The following PON3 variants were observed in gnomAD, a reference collection of about 807,000 sequenced individuals.
PON3 encodes paraoxonase 3, also known as serum paraoxonase/lactonase 3.
PON3 carries 37 observed loss-of-function variants against 36.3 expected under a neutral mutation model. That is an observed-to-expected ratio of 1.02 (90% CI 0.78 to 1.34). The LOEUF (loss-of-function observed/expected upper bound fraction) is 1.34. Among genes scored for constraint, PON3 ranks in the 40% most tolerant of loss-of-function variants. The pLI is 0.00. For missense variants in PON3, 415 were observed against 426.5 expected, an observed-to-expected ratio of 0.97 and a Z score of 0.24; for synonymous variants, 155 against 154.8, an observed-to-expected ratio of 1.00 and a Z score of -0.01.
rs1180113639 is a variant in PON3, at chr7:95,362,760, C to T, written c.777G>A (p.Lys259=). 6.2e-7 allele frequency: 1 copy of T among 1,604,240 alleles called. No homozygotes were observed. Among genetic ancestry groups the T allele is most frequent in the South Asian group, 1.1e-5 (1 of 90,892 alleles). The change falls in exon 7 of 9, where the codon AAG becomes AAA. Residue 259 remains lysine (K), a splice_region_variant and synonymous_variant. Coordinates refer to ENST00000265627, the MANE Select transcript of PON3 (RefSeq NM_000940.3). ...TGTGGGCCAGACAGGGTACTCTTAC[C>T]TTCAGTTGAGTTAAATCCCAGTTAT... ...KHDNWDLTQL[K]VIQLGTLVDN...
intron 4 of PON3, among the ~76,000 whole-genome samples, chr7:95,369,295 T>G (rs778825877): frequency 2.0e-5 from 3 of 152,122 alleles, no homozygotes; most frequent in South Asian, 4.1e-4. Context: ...GTGATTATAT[T>G]TGAGAGAGGA....
chr7:95,388,620 C>G (rs1468894969), intron 3 of PON3, among the ~76,000 whole-genome samples: 1 of 152,182 alleles, frequency 6.6e-6, no homozygotes, highest in Non-Finnish European at 1.5e-5. Flanking sequence ...AATCATGCTA[C>G]TATAAAGACA....
chr7:95,373,845 A>G (rs1049850536), intron 3 of PON3, among the ~76,000 whole-genome samples: 2 of 152,164 alleles, frequency 1.3e-5, no homozygotes, highest in African/African-American at 2.4e-5. Context: ...CCTGTGCCAC[A>G]GACTGGTACC....
intron 4 of PON3, among the ~76,000 whole-genome samples, chr7:95,371,457 T>C (rs1808807274): frequency 1.3e-5 from 2 of 152,132 alleles, no homozygotes; most frequent in Non-Finnish European, 2.9e-5. Flanking sequence ...TGCCAACATT[T>C]GTTATTGTCT....
At position 95,367,418 on chromosome 7, in the gene PON3, C is replaced by G; in HGVS notation, c.438G>C (p.Glu146Asp). 1.2e-6 allele frequency: 2 copies of G among 1,613,140 alleles called. No homozygotes were observed. Among genetic ancestry groups the G allele is most frequent in the Non-Finnish European group, 1.7e-6 (2 of 1,179,364 alleles). ...MKSTVEIFKFEEQQRSLVYLK... is the reference protein window; with the variant it reads ...MKSTVEIFKFDEQQRSLVYLK... ...GGTATACCAGAGAACGTTGTTGTTC[C>G]TCAAATTTAAATATCTCCACAGTGG... Residue 146 changes from glutamate (E) to aspartate (D), a missense_variant, in exon 5 of 9, where the codon GAG becomes GAC. Glu to Asp is a conservative substitution (Grantham distance 45, BLOSUM62 2). Coordinates refer to ENST00000265627, the MANE Select transcript of PON3 (RefSeq NM_000940.3).
intron 5 of PON3, 63 bp downstream of exon 5, chr7:95,367,299 A>G (rs17878595): frequency 0.013 from 21,184 of 1,593,042 alleles, 365 homozygotes; most frequent in African/African-American, 0.071. Flanking sequence ...CTGAACCAAA[A>G]AATACAAAGC....
chr7:95,373,899 G>A (rs1053228865), intron 3 of PON3, among the ~76,000 whole-genome samples: 20 of 152,164 alleles, frequency 1.3e-4, no homozygotes, highest in African/African-American at 4.8e-4. Context: ...GGAACAACAG[G>A]AGGTGAGCTG....
chr7:95,385,916 G>T (rs1809179048), intron 3 of PON3, among the ~76,000 whole-genome samples: 1 of 111,242 alleles, frequency 9.0e-6, no homozygotes, highest in Non-Finnish European at 2.1e-5. Flanking sequence ...ATTTAAAGCA[G>T]TGTGTAGAGG....
At chr7:95,380,079 A>C (rs1391231497) in intron 3 of PON3, among the ~76,000 whole-genome samples, 1 of 152,172 alleles carries the variant, frequency 6.6e-6, no homozygotes, top group African/African-American at 2.4e-5. Context: ...CGCTGCTGAT[A>C]CCCAGGCAAA....
At position 95,374,818 on chromosome 7, in the gene PON3, T is replaced by C. The variant is rs533776084; in HGVS notation, c.202-2480A>G. Reference sequence around the variant, plus strand: ...AAACGTCAAAAGTTGAGTTCCCAGATAGAAATCCTGCTCCTCTTCCTGACT... The same window carrying C: ...AAACGTCAAAAGTTGAGTTCCCAGACAGAAATCCTGCTCCTCTTCCTGACT... On this transcript the variant is annotated intron_variant, in intron 3 of 8. Coordinates refer to ENST00000265627, the MANE Select transcript of PON3 (RefSeq NM_000940.3). 2.0e-5 allele frequency among the ~76,000 whole-genome samples: 3 copies of C among 152,306 alleles called. 1 individual carries two copies. The highest frequency in any genetic ancestry group is 7.2e-5 in the African/African-American group (3 of 41,580).
At chr7:95,364,666 T>C (rs1808652204) in intron 5 of PON3, 1 of 158,366 alleles carries the variant, frequency 6.3e-6, no homozygotes, top group African/African-American at 2.4e-5. Context: ...ACTGGATACA[T>C]AGCATGCATG....
At chr7:95,380,392 C>T (rs1809020166) in intron 3 of PON3, among the ~76,000 whole-genome samples, 1 of 151,858 alleles carries the variant, frequency 6.6e-6, no homozygotes. Context: ...TTTCAGACAA[C>T]CAAACTTCTC....
At chr7:95,395,583 A>G (rs1456302364) in intron 1 of PON3, among the ~76,000 whole-genome samples, 1 of 152,202 alleles carries the variant, frequency 6.6e-6, no homozygotes, top group Non-Finnish European at 1.5e-5. Flanking sequence ...AGAGAAATAC[A>G]TAAACACTCA....
At chr7:95,392,162 A>G (rs918973965) in intron 2 of PON3, among the ~76,000 whole-genome samples, 1 of 152,250 alleles carries the variant, frequency 6.6e-6, no homozygotes, top group Admixed American at 6.5e-5. Context: ...CAGCTTTTTC[A>G]AAACATATAT....
intron 7 of PON3, 94 bp downstream of exon 7, chr7:95,362,666 G>T: frequency 7.2e-7 from 1 of 1,380,652 alleles, no homozygotes. Flanking sequence ...CTCTCAAATA[G>T]CCATGTTTTC....
rs1808524914 is a variant in PON3 at position 95,359,913 on chromosome 7, T to C, written c.*60A>G. 2.0e-6 allele frequency: 3 copies of C among 1,527,848 alleles called. No homozygotes were observed. Among genetic ancestry groups the C allele is most frequent in the African/African-American group, 2.8e-5 (2 of 71,864 alleles). The allele number at this position is 1,527,848 out of a possible 1,614,324, so 94.6% of individuals were successfully genotyped here. A position where few individuals can be genotyped will look rare whatever the true frequency, so the allele number is the denominator to read the frequency against. On this transcript the variant is annotated 3_prime_UTR_variant, in exon 9 of 9. Transcript: ENST00000265627. Reference sequence around the variant, plus strand: ...ACTTACAGTGCCACTTATCATACAATTATCAGTTTACTTTTACAAAATATG... The same window carrying C: ...ACTTACAGTGCCACTTATCATACAACTATCAGTTTACTTTTACAAAATATG...
chr7:95,387,660 G>C (rs1480313116), intron 3 of PON3, among the ~76,000 whole-genome samples: 2 of 152,112 alleles, frequency 1.3e-5, no homozygotes, highest in Admixed American at 6.6e-5. Context: ...TCAAATAAGG[G>C]CCCGCATAGC....
intron 3 of PON3, among the ~76,000 whole-genome samples, chr7:95,383,880 G>A (rs888784852): frequency 6.6e-6 from 1 of 152,162 alleles, no homozygotes; most frequent in Non-Finnish European, 1.5e-5. Flanking sequence ...AACCAAAAAT[G>A]AGCCCGCATT....
At chr7:95,362,723 G>A in intron 7 of PON3, 37 bp downstream of exon 7, 1 of 1,531,120 alleles carries the variant, frequency 6.5e-7, no homozygotes, top group Non-Finnish European at 9.1e-7. Flanking sequence ...ACTAAGGTAA[G>A]AAGTCAGATT....
Sources: allele counts gnomAD v4.1 joint callset (sites outside exome capture counted in the v4.1 genomes callset), GRCh38; gene constraint gnomAD v4.1.1; transcripts MANE v1.5; gene names NCBI Gene and HGNC (gene_info 2026-07-23, HGNC 2026-07-21).